FOXJ3: variants seen among roughly 807,000 people sequenced by gnomAD.
FOXJ3 encodes forkhead box protein J3.
FOXJ3 carries 22 observed loss-of-function variants against 76.1 expected under a neutral mutation model. The ratio of observed to expected loss-of-function variants is 0.29; its 90% CI spans 0.21 to 0.41. FOXJ3 has a LOEUF of 0.41. Among genes scored for constraint, FOXJ3 ranks in the 10% least tolerant of loss-of-function variants. The pLI is 1.00. For missense variants in FOXJ3, 613 were observed against 762.1 expected (o/e 0.80, Z 2.30); for synonymous variants, 269 against 261.2 (o/e 1.03, Z -0.29).
intron 2 of FOXJ3, among the ~76,000 whole-genome samples, chr1:42,299,767 G>T (rs1557709068): frequency 6.6e-6 from 1 of 152,070 alleles, no homozygotes; most frequent in East Asian, 1.9e-4. Context: ...AGTTAGCCAG[G>T]TGTGGTGGTA....
At chr1:42,291,063 T>TA (rs1653388580) in intron 2 of FOXJ3, among the ~76,000 whole-genome samples, 2 of 123,104 alleles carry the variant, frequency 1.6e-5, no homozygotes, top group African/African-American at 3.0e-5. Flanking sequence ...GATAGATAGA[T>TA]AGATAGATAG....
intron 5 of FOXJ3, among the ~76,000 whole-genome samples, chr1:42,206,997 A>G (rs1009391883): frequency 6.6e-6 from 1 of 151,862 alleles, no homozygotes; most frequent in African/African-American, 2.4e-5. Context: ...CACCTGGCTA[A>G]TTTTTGTACT....
intron 1 of FOXJ3, among the ~76,000 whole-genome samples, chr1:42,320,720 A>C (rs945376486): frequency 1.3e-5 from 2 of 152,240 alleles, no homozygotes; most frequent in African/African-American, 4.8e-5. Context: ...GAAATATGAA[A>C]AATTCAAAAG....
chr1:42,209,971 T>C (rs1646934573), intron 5 of FOXJ3, among the ~76,000 whole-genome samples: 1 of 152,094 alleles, frequency 6.6e-6, no homozygotes, highest in Non-Finnish European at 1.5e-5. Context: ...CTGAAAACTG[T>C]GGTTTCTGTC....
intron 1 of FOXJ3, among the ~76,000 whole-genome samples, chr1:42,330,292 GAACA>G (rs150205985): frequency 0.039 from 5,905 of 152,094 alleles, 145 homozygotes; most frequent in South Asian, 0.092. Context: ...CTAAAACACA[GAACA>G]AACAAGTGGC....
chr1:42,275,182 C>G (rs192385366), intron 3 of FOXJ3, among the ~76,000 whole-genome samples: 2 of 152,282 alleles, frequency 1.3e-5, no homozygotes, highest in East Asian at 1.9e-4. Flanking sequence ...GAATCACGCA[C>G]AGCACATCCT....
At chr1:42,273,994 C>T (rs907848136) in intron 3 of FOXJ3, among the ~76,000 whole-genome samples, 17 of 152,116 alleles carry the variant, frequency 1.1e-4, no homozygotes, top group African/African-American at 3.9e-4. Context: ...TCCCCATTTA[C>T]GTCACCTACC....
intron 5 of FOXJ3, among the ~76,000 whole-genome samples, chr1:42,225,424 A>T (rs1265644514): frequency 6.6e-6 from 1 of 151,928 alleles, no homozygotes; most frequent in Non-Finnish European, 1.5e-5. Context: ...TTCCCACTCT[A>T]AAAAAAACTC....
At chr1:42,229,318 A>C (rs544507716) in intron 4 of FOXJ3, among the ~76,000 whole-genome samples, 1 of 152,298 alleles carries the variant, frequency 6.6e-6, no homozygotes, top group African/African-American at 2.4e-5. Flanking sequence ...TAAATTCCTT[A>C]TGGATAGGGA....
At chr1:42,304,384 C>G (rs1056583403) in intron 2 of FOXJ3, among the ~76,000 whole-genome samples, 1 of 151,944 alleles carries the variant, frequency 6.6e-6, no homozygotes, top group Non-Finnish European at 1.5e-5. Context: ...ACATTCTTCA[C>G]AGACATAGAA....
intron 4 of FOXJ3, among the ~76,000 whole-genome samples, chr1:42,262,950 A>G (rs897450323): frequency 2.6e-5 from 4 of 152,232 alleles, no homozygotes; most frequent in Non-Finnish European, 4.4e-5. Context: ...CAAATGTATG[A>G]TATTTACTTA....
At chr1:42,322,974 T>C (rs1557724851) in intron 1 of FOXJ3, among the ~76,000 whole-genome samples, 2 of 152,116 alleles carry the variant, frequency 1.3e-5, no homozygotes, top group African/African-American at 4.8e-5. Context: ...ATATCACCTA[T>C]GGAGGGAAAC....
chr1:42,285,237 C>T (rs1414331499), intron 2 of FOXJ3, among the ~76,000 whole-genome samples: 1 of 152,032 alleles, frequency 6.6e-6, no homozygotes, highest in Admixed American at 6.6e-5. Context: ...GCCTGGCATC[C>T]ATTAGCTATT....
chr1:42,263,305 T>A (rs192769916), intron 4 of FOXJ3, among the ~76,000 whole-genome samples: 30 of 152,330 alleles, frequency 2.0e-4, no homozygotes, highest in African/African-American at 5.0e-4. Context: ...TAATTTTTTT[T>A]AATTATTTCA....
At chr1:42,306,025 C>CA (rs988543111) in intron 2 of FOXJ3, among the ~76,000 whole-genome samples, 9 of 151,972 alleles carry the variant, frequency 5.9e-5, no homozygotes, top group African/African-American at 2.2e-4. Context: ...AAGGAAGTTA[C>CA]AAAAAATAGT....
chr1:42,232,368 G>T (rs1275594657), intron 4 of FOXJ3, among the ~76,000 whole-genome samples: 1 of 148,074 alleles, frequency 6.8e-6, no homozygotes, highest in African/African-American at 2.5e-5. Flanking sequence ...CTGAGGAATC[G>T]CCACACTGAC....
chr1:42,257,381 T>C (rs1650676248), intron 4 of FOXJ3, among the ~76,000 whole-genome samples: 1 of 151,960 alleles, frequency 6.6e-6, no homozygotes, highest in African/African-American at 2.4e-5. Flanking sequence ...CAGCAATTCA[T>C]AAACTTCAGA....
chr1:42,277,433 C>T (rs984368783), intron 3 of FOXJ3, among the ~76,000 whole-genome samples: 7 of 151,682 alleles, frequency 4.6e-5, no homozygotes, highest in African/African-American at 1.5e-4. Flanking sequence ...GAGGCCGAGG[C>T]GGGCGGATCA....
chr1:42,191,992 C>T (rs1168363336), intron 8 of FOXJ3, among the ~76,000 whole-genome samples: 4 of 152,108 alleles, frequency 2.6e-5, no homozygotes, highest in Non-Finnish European at 4.4e-5. Flanking sequence ...AAAACTGCTC[C>T]TTGTCTGTTC....
Sources: gnomAD v4.1 joint callset for allele counts (sites outside exome capture counted in the v4.1 genomes callset) on GRCh38, gnomAD v4.1.1 for gene constraint, MANE v1.5 for transcripts, NCBI Gene and HGNC (gene_info 2026-07-23, HGNC 2026-07-21) for gene names.